GPR20: variants seen among roughly 807,000 people sequenced by gnomAD.
GPR20 encodes CTD-3064M3.3.
For missense variants in GPR20, 494 were observed against 527.4 expected, an observed-to-expected ratio of 0.94 and a Z score of 0.62; for synonymous variants, 241 against 241.9, an observed-to-expected ratio of 1.00 and a Z score of 0.04.
Position 141,357,371 on chromosome 8 carries a change from C to T in GPR20, c.553G>A (p.Val185Met). The change falls in exon 2 of 2, where the codon GTG becomes ATG. Residue 185 changes from valine (V) to methionine (M), a missense_variant. By Grantham distance (21) the Val-to-Met change is conservative. Coordinates refer to ENST00000377741, the MANE Select transcript of GPR20 (RefSeq NM_005293.3). Reference sequence around the variant, plus strand: ...GGCCGGCTGCCTGTCACGCCCAGCACCGACAGGGTGACGGCACCGGCGGCC... The same window carrying T: ...GGCCGGCTGCCTGTCACGCCCAGCATCGACAGGGTGACGGCACCGGCGGCC... ...WLAAGAVTLS[V>M]LGVTGSRPCC... 5 of 1,566,258 alleles carry T rather than the reference C, an allele frequency of 3.2e-6. No homozygotes were observed. The highest frequency in any genetic ancestry group is 4.3e-6 in the Non-Finnish European group (5 of 1,159,942).
intron 1 of GPR20, among the ~76,000 whole-genome samples, chr8:141,359,100 TC>T (rs1322795151): frequency 8.5e-6 from 1 of 117,484 alleles, no homozygotes; most frequent in Non-Finnish European, 1.6e-5. Flanking sequence ...AAAGGAGAAG[TC>T]TTTGGGGCCA....
In GPR20 at chr8:141,356,484, T is replaced by G. The variant is rs1229469634; in HGVS notation, c.*363A>C. The G allele has an allele frequency of 3.6e-6, 1 of 279,070 alleles. No homozygotes were observed. The highest frequency in any genetic ancestry group is 6.6e-6 in the Non-Finnish European group (1 of 150,592). 17.3% of individuals were successfully genotyped at this position (279,070 alleles called of 1,614,324 possible). A position where few individuals can be genotyped will look rare whatever the true frequency, so the allele number is the denominator to read the frequency against. On this transcript the variant is annotated 3_prime_UTR_variant, in exon 2 of 2. Coordinates refer to ENST00000377741, the MANE Select transcript of GPR20 (RefSeq NM_005293.3). ...AATCTTTGTCCTTTTTTCTTTTTTC[T>G]TTTTCATCTCATCCTTCTAATCAAT...
At chr8:141,361,075 A>T (rs1336917942) in intron 1 of GPR20, among the ~76,000 whole-genome samples, 1 of 152,008 alleles carries the variant, frequency 6.6e-6, no homozygotes, top group Non-Finnish European at 1.5e-5. Context: ...GAGACAGCAG[A>T]CTCCATGGCG....
chr8:141,359,636 A>G (rs1049078456), intron 1 of GPR20, among the ~76,000 whole-genome samples: 2 of 152,194 alleles, frequency 1.3e-5, no homozygotes, highest in Non-Finnish European at 2.9e-5. Flanking sequence ...TTGTTGGATG[A>G]ATAGGTCTGT....
chr8:141,359,959 A>G (rs1831709579), intron 1 of GPR20, among the ~76,000 whole-genome samples: 1 of 152,226 alleles, frequency 6.6e-6, no homozygotes, highest in African/African-American at 2.4e-5. Context: ...TAGTGTCCCA[A>G]TCAGAGACAA....
At chr8:141,361,307 G>A (rs1831731182) in intron 1 of GPR20, among the ~76,000 whole-genome samples, 1 of 152,260 alleles carries the variant, frequency 6.6e-6, no homozygotes, top group South Asian at 2.1e-4. Flanking sequence ...GTCAGTGAGT[G>A]GAGACCCAGC....
chr8:141,366,372 G>A (rs1831813634), intron 1 of GPR20, among the ~76,000 whole-genome samples: 1 of 152,200 alleles, frequency 6.6e-6, no homozygotes, highest in African/African-American at 2.4e-5. Flanking sequence ...CCTCCTGCGG[G>A]GTGCATTCCC....
intron 1 of GPR20, among the ~76,000 whole-genome samples, chr8:141,364,050 G>A (rs1000472621): frequency 6.6e-6 from 1 of 152,258 alleles, no homozygotes; most frequent in Non-Finnish European, 1.5e-5. Flanking sequence ...GTGTCCTCAC[G>A]GTTACCCAGC....
intron 1 of GPR20, among the ~76,000 whole-genome samples, chr8:141,363,864 G>A (rs1214817011): frequency 6.6e-6 from 1 of 152,248 alleles, no homozygotes; most frequent in Non-Finnish European, 1.5e-5. Context: ...CAGGGTGGCT[G>A]TTGAGCCTGC....
intron 1 of GPR20, among the ~76,000 whole-genome samples, chr8:141,359,467 C>G (rs7823822): frequency 0.19 from 28,527 of 152,198 alleles, 3,747 homozygotes; most frequent in East Asian, 0.41. Context: ...GCGTGCTACC[C>G]TGGAGGCTGC....
rs927764790 is a variant in GPR20 at position 141,357,864 on chromosome 8, C to T, written c.60G>A (p.Val20=). 2 of 1,610,052 alleles carry T rather than the reference C, an allele frequency of 1.2e-6. No homozygotes were observed. The highest frequency in any genetic ancestry group is 1.6e-4 in the Middle Eastern group (1 of 6,072). ...SAGAVPNATA[V]TTVRTNASGL... The stretch of plus-strand genomic sequence containing the variant: ...CGCTGGCATTGGTCCGCACTGTTGT[C>T]ACTGCGGTGGCATTGGGGACTGCCC... Residue 20 remains valine (V), a synonymous_variant, in exon 2 of 2, where the codon GTG becomes GTA. Transcript: ENST00000377741.
intron 1 of GPR20, among the ~76,000 whole-genome samples, chr8:141,366,454 G>A (rs529327096): frequency 3.9e-5 from 6 of 152,188 alleles, no homozygotes; most frequent in Non-Finnish European, 7.4e-5. Flanking sequence ...TTCCCAGCCC[G>A]CTGCCCCCTC....
intron 1 of GPR20, among the ~76,000 whole-genome samples, chr8:141,361,052 C>G (rs1342764838): frequency 6.6e-6 from 1 of 152,232 alleles, no homozygotes; most frequent in Admixed American, 6.5e-5. Flanking sequence ...TGGCAGGCAC[C>G]CTGGGTCTGT....
Position 141,357,725 on chromosome 8 carries a change from C to T in GPR20, c.199G>A (p.Gly67Arg). 5 of 1,613,368 alleles carry T rather than the reference C, an allele frequency of 3.1e-6. No homozygotes were observed. The highest frequency in any genetic ancestry group is 4.2e-6 in the Non-Finnish European group (5 of 1,179,962). Residue 67 changes from glycine to arginine, a missense_variant, in exon 2 of 2, where the codon GGG (glycine) becomes AGG (arginine). Physicochemically the swap from Gly to Arg is moderately radical, Grantham distance 125 (BLOSUM62 -2). Coordinates refer to ENST00000377741, the MANE Select transcript of GPR20 (RefSeq NM_005293.3). ...AGCGCCAGCCCGTTGAGCACCAGCC[C>T]TGCCAGGAAGATGGCTCCGTGCACC... ...MAVHGAIFLA[G>R]LVLNGLALYV...
rs371086790 is a variant in GPR20 at position 141,357,221 on chromosome 8, G to A, written c.703C>T (p.Arg235Cys). 51 of 1,561,304 alleles carry A rather than the reference G, an allele frequency of 3.3e-5. No individual in the cohort carries two copies. The highest frequency in any genetic ancestry group is 1.6e-4 in the African/African-American group (12 of 73,802). The stretch of plus-strand genomic sequence containing the variant: ...AGGAGCTGCATGGCCCGCACGCGGC[G>A]CTGGCGACCCTGGTGGAGCAGACCC... ...RPGLLHQGRQ[R>C]RVRAMQLLLT... Residue 235 changes from arginine to cysteine, a missense_variant, in exon 2 of 2, where the codon CGC becomes TGC. Coordinates refer to ENST00000377741, the MANE Select transcript of GPR20 (RefSeq NM_005293.3).
intron 1 of GPR20, among the ~76,000 whole-genome samples, chr8:141,365,994 T>C (rs111628848): frequency 2.2e-4 from 33 of 152,332 alleles, no homozygotes; most frequent in African/African-American, 7.2e-4. Flanking sequence ...ACTGAGTCAC[T>C]GCTGAGTGAT....
In GPR20 at chr8:141,357,269, T is replaced by C. The variant is rs1317242146; in HGVS notation, c.655A>G (p.Ile219Val). The part of the protein sequence containing the change: ...LLVISVFTGR[I>V]MCALSRPGLL... ...CCCGGCCGCGACAGTGCACACATGA[T>C]GCGGCCGGTAAACACGCTGATGACC... is the stretch of plus-strand genomic sequence containing the variant. Residue 219 changes from isoleucine (I) to valine (V), a missense_variant, in exon 2 of 2, where the codon ATC becomes GTC. Ile to Val is a conservative substitution (Grantham distance 29). Transcript: ENST00000377741. 5.8e-6 allele frequency: 9 copies of C among 1,543,166 alleles called. No individual in the cohort carries two copies. Among genetic ancestry groups the C allele is most frequent in the Non-Finnish European group, 7.8e-6 (9 of 1,148,704 alleles).
At position 141,366,837 on chromosome 8, in the gene GPR20, C is replaced by A. The variant is rs540918253; in HGVS notation, c.-25+364G>T. On this transcript the variant is annotated intron_variant, in intron 1 of 1. Coordinates refer to ENST00000377741, the MANE Select transcript of GPR20 (RefSeq NM_005293.3). ...CTGCTGCCTTGCCAGGTGGGGAAAC[C>A]AAGACCCAGCTCTGGGCACCCAGCA... Among the ~76,000 whole-genome samples the A allele has an allele frequency of 1.2e-4, 19 of 152,322 alleles. No individual in the cohort carries two copies. The South Asian group carries it at 3.9e-3, about 32-fold the overall frequency.
rs372583253 is a variant in GPR20, at chr8:141,357,129, C to A, written c.795G>T (p.Ala265=). 8 of 1,611,172 alleles carry A rather than the reference C, an allele frequency of 5.0e-6. No individual in the cohort carries two copies. The highest frequency in any genetic ancestry group is 6.8e-6 in the Non-Finnish European group (8 of 1,179,886). The change falls in exon 2 of 2, where the codon GCG becomes GCT. Residue 265 remains alanine, a synonymous_variant. Transcript: ENST00000377741. Reference sequence around the variant, plus strand: ...TGTGGTGTGGCATGTCGGGCCACAGCGCCACGGCCACTTGGCGGGCGTGGA... The same window carrying A: ...TGTGGTGTGGCATGTCGGGCCACAGAGCCACGGCCACTTGGCGGGCGTGGA... ...TPFHARQVAV[A]LWPDMPHHTS...
Sources: allele counts gnomAD v4.1 joint callset (sites outside exome capture counted in the v4.1 genomes callset), GRCh38; gene constraint gnomAD v4.1.1; transcripts MANE v1.5; gene names NCBI Gene and HGNC (gene_info 2026-07-23, HGNC 2026-07-21).